UGGT1: variants seen among roughly 807,000 people sequenced by gnomAD.
The protein encoded by UGGT1 is UDP-glucose glycoprotein glucosyltransferase 1.
A neutral mutation model predicts 203.9 loss-of-function variants in UGGT1; 107 were observed. The observed-to-expected ratio is 0.52, with a 90% CI of 0.45 to 0.62. The LOEUF (loss-of-function observed/expected upper bound fraction) is 0.62, where lower values mean the gene tolerates loss of function less well. Ranked by LOEUF, UGGT1 falls within the 20% of genes least tolerant of loss-of-function variation. The probability of loss-of-function intolerance (pLI) is 0.00; values close to 1 mark genes in which losing one functional copy is unlikely to be tolerated. For synonymous variants in UGGT1, 628 were observed against 653.5 expected, an observed-to-expected ratio of 0.96 and a Z score of 0.59; for missense variants, 1,673 against 1,867.2, an observed-to-expected ratio of 0.90 and a Z score of 1.92.
intron 26 of UGGT1, among the ~76,000 whole-genome samples, chr2:128,168,039 A>G (rs908867290): frequency 6.6e-6 from 1 of 152,128 alleles, no homozygotes. Context: ...GCTATTTTCT[A>G]ATGAGTTTTT....
At chr2:128,117,981 TGTGTGTGTGTGTGA>T in intron 8 of UGGT1, among the ~76,000 whole-genome samples, 1 of 139,028 alleles carries the variant, frequency 7.2e-6, no homozygotes, top group East Asian at 2.3e-4. Flanking sequence ...TGTGTGTCTG[TGTGTGTGTGTGTGA>T]GAGAGAGAGA....
rs60029946 is a variant in UGGT1 at position 128,098,748 on chromosome 2, C to CAAA, written c.194+1197_194+1199dup. Among the ~76,000 whole-genome samples, 21 of 94,976 alleles carry CAAA rather than the reference C, an allele frequency of 2.2e-4. No homozygotes were observed. The East Asian group carries it at 2.3e-3, about 11-fold the overall frequency. The allele number at this position is 94,976 out of a possible 152,430, so 62.3% of individuals were successfully genotyped here. A position where few individuals can be genotyped will look rare whatever the true frequency, so the allele number is the denominator to read the frequency against. ...TGGGCAGCAGAGCAAGACTCCGTCT[C>CAAA]AAAAAAAAAAAAAAAGGGAAAGAAG... is the stretch of plus-strand genomic sequence containing the variant. On this transcript the variant is annotated intron_variant, in intron 2 of 40. Transcript: ENST00000259253.
intron 1 of UGGT1, among the ~76,000 whole-genome samples, chr2:128,094,979 C>G (rs933570963): frequency 6.6e-6 from 1 of 151,994 alleles, no homozygotes; most frequent in Non-Finnish European, 1.5e-5. Context: ...GAACTCCTGA[C>G]CTCAGGTGAT....
chr2:128,178,451 T>G lies in UGGT1; in HGVS notation c.3714-17T>G. The G allele has an allele frequency of 6.3e-7, 1 of 1,593,214 alleles. No individual in the cohort carries two copies. Among genetic ancestry groups the G allele is most frequent in the Non-Finnish European group, 8.5e-7 (1 of 1,169,856 alleles). On this transcript the variant is annotated splice_polypyrimidine_tract_variant and intron_variant, in intron 33 of 40. Coordinates refer to ENST00000259253, the MANE Select transcript of UGGT1 (RefSeq NM_020120.4). ...TGAGTGTTTCAAGTGGTCTTTTTTTTACCCTTATTGTTATAGGGGCTTTAC... is the reference window on the plus strand; with the variant it reads ...TGAGTGTTTCAAGTGGTCTTTTTTTGACCCTTATTGTTATAGGGGCTTTAC...
intron 3 of UGGT1, among the ~76,000 whole-genome samples, chr2:128,106,221 T>G (rs564429654): frequency 1.3e-5 from 2 of 152,234 alleles, no homozygotes; most frequent in South Asian, 4.1e-4. Flanking sequence ...AAATACTTTA[T>G]TTTTAAGATT....
At chr2:128,165,346 T>A (rs1219905504) in intron 26 of UGGT1, among the ~76,000 whole-genome samples, 1 of 152,102 alleles carries the variant, frequency 6.6e-6, no homozygotes, top group East Asian at 1.9e-4. Context: ...TGAGCCATGA[T>A]CTCATCACTG....
intron 18 of UGGT1, among the ~76,000 whole-genome samples, chr2:128,150,441 T>C (rs148175760): frequency 6.6e-6 from 1 of 152,178 alleles, no homozygotes; most frequent in African/African-American, 2.4e-5. Flanking sequence ...TAAAAAGAAT[T>C]AAGAGATATG....
intron 36 of UGGT1, 109 bp from the exon 37 acceptor site, chr2:128,182,021 C>G: frequency 9.1e-7 from 1 of 1,096,054 alleles, no homozygotes; most frequent in East Asian, 2.4e-5. Context: ...TGCCACTAAC[C>G]ACGGAGCAGC....
rs145484644 is a variant in UGGT1, at chr2:128,109,225, A to G, written c.409-409A>G. Among the ~76,000 whole-genome samples the G allele has an allele frequency of 2.5e-3, 376 of 151,468 alleles. 2 individuals are homozygous for G. The highest frequency in any genetic ancestry group is 8.8e-3 in the African/African-American group (361 of 41,252). ...CATTTATTGATTTTGTTTTTTTGAG[A>G]CAGGGTCTTGTTCTGTTGCCCAGGC... On this transcript the variant is annotated intron_variant, in intron 4 of 40. Transcript: ENST00000259253.
At chr2:128,174,078 T>C (rs776730023) in intron 30 of UGGT1, 139 bp downstream of exon 30, 13 of 1,001,750 alleles carry the variant, frequency 1.3e-5, no homozygotes, top group Non-Finnish European at 1.7e-5. Flanking sequence ...AATATAGAAA[T>C]CATTAGTTCA....
chr2:128,165,112 G>A (rs1690723532), intron 26 of UGGT1, among the ~76,000 whole-genome samples: 1 of 152,192 alleles, frequency 6.6e-6, no homozygotes, highest in Non-Finnish European at 1.5e-5. Context: ...AAACAGAGAA[G>A]TTGTACTTTT....
rs558269144 is a variant in UGGT1 at position 128,100,760 on chromosome 2, T to A, written c.195-3172T>A. Among the ~76,000 whole-genome samples, 191 of 152,282 alleles carry A rather than the reference T, an allele frequency of 1.3e-3. 1 individual carries two copies. Among genetic ancestry groups the A allele is most frequent in the African/African-American group, 4.4e-3 (184 of 41,576 alleles). ...CTTACCCTGAATTACATTTTGTTAC[T>A]TTCACTTTTATTTACACTAATTTCT... On this transcript the variant is annotated intron_variant, in intron 2 of 40. Coordinates refer to ENST00000259253, the MANE Select transcript of UGGT1 (RefSeq NM_020120.4).
chr2:128,176,957 T>C (rs1466067589), intron 32 of UGGT1, 59 bp downstream of exon 32: 1 of 1,519,208 alleles, frequency 6.6e-7, no homozygotes. Context: ...TAAAAATATG[T>C]ATCTTGGAAC....
At chr2:128,150,247 C>G (rs1689885828) in intron 18 of UGGT1, among the ~76,000 whole-genome samples, 1 of 152,050 alleles carries the variant, frequency 6.6e-6, no homozygotes, top group South Asian at 2.1e-4. Context: ...ACCAGCCTGG[C>G]TAACATAACG....
rs930544343 is a variant in UGGT1, at chr2:128,191,252, T to C, written c.*1510T>C. The C allele has an allele frequency of 1.3e-5, 2 of 152,278 alleles. No homozygotes were observed. The highest frequency in any genetic ancestry group is 1.3e-4 in the Admixed American group (2 of 15,292). 9.4% of individuals were successfully genotyped at this position (152,278 alleles called of 1,614,324 possible). The stretch of plus-strand genomic sequence containing the variant: ...TGATGTGCAGACTTTTAAGAAATCT[T>C]AGTCTTATCACAAATATCAAGTAAT... On this transcript the variant is annotated 3_prime_UTR_variant, in exon 41 of 41. Transcript: ENST00000259253.
At chr2:128,154,182 G>A (rs925860668) in intron 19 of UGGT1, among the ~76,000 whole-genome samples, 1 of 152,144 alleles carries the variant, frequency 6.6e-6, no homozygotes, top group Non-Finnish European at 1.5e-5. Flanking sequence ...TTTCTTCACA[G>A]CCGGGTTTTC....
At chr2:128,138,625 T>C in intron 15 of UGGT1, 92 bp from the exon 16 acceptor site, 1 of 1,435,178 alleles carries the variant, frequency 7.0e-7, no homozygotes, top group African/African-American at 1.4e-5. Context: ...CTCTGTTAGC[T>C]ATAATGTATG....
At chr2:128,185,886 T>C (rs1691951949) in intron 38 of UGGT1, among the ~76,000 whole-genome samples, 1 of 152,144 alleles carries the variant, frequency 6.6e-6, no homozygotes, top group African/African-American at 2.4e-5. Flanking sequence ...TGGAACATTT[T>C]ATTGTGGCAA....
chr2:128,176,747 C>T, intron 31 of UGGT1, 67 bp from the exon 32 acceptor site: 1 of 1,427,440 alleles, frequency 7.0e-7, no homozygotes, highest in Non-Finnish European at 9.8e-7. Context: ...GACTCAGATG[C>T]TCTGAGAGCA....
Sources: gnomAD v4.1 joint callset for allele counts (sites outside exome capture counted in the v4.1 genomes callset) on GRCh38, gnomAD v4.1.1 for gene constraint, MANE v1.5 for transcripts, NCBI Gene and HGNC (gene_info 2026-07-23, HGNC 2026-07-21) for gene names.